The following NDRG4 variants were observed in gnomAD, a reference collection of about 807,000 sequenced individuals.
NDRG4 encodes the protein NDRG family member 4, also known as protein NDRG4.
In NDRG4, 38 loss-of-function variants were observed where a neutral mutation model predicts 55.8. The ratio of observed to expected loss-of-function variants is 0.68; its 90% CI spans 0.53 to 0.89. The LOEUF is 0.89. NDRG4 is among the 40% of genes least tolerant of loss of function. The pLI, the probability that NDRG4 is intolerant of heterozygous loss-of-function variation, is 0.00. For missense variants in NDRG4, 455 were observed against 468.6 expected, an observed-to-expected ratio of 0.97 and a Z score of 0.27; for synonymous variants, 190 against 182.7, an observed-to-expected ratio of 1.04 and a Z score of -0.32.
intron 1 of NDRG4, among the ~76,000 whole-genome samples, chr16:58,479,273 C>G (rs79280310): frequency 1.2e-4 from 19 of 152,248 alleles, no homozygotes; most frequent in African/African-American, 3.9e-4. Flanking sequence ...CTTTCCCACT[C>G]TGTTTGAGTG....
chr16:58,497,678 G>C (rs2036565530), upstream of NDRG4, among the ~76,000 whole-genome samples: 1 of 152,226 alleles, frequency 6.6e-6, no homozygotes, highest in Non-Finnish European at 1.5e-5. Flanking sequence ...AGAAGTGGCA[G>C]AGCTATGAGT....
In NDRG4 at chr16:58,507,799, G is replaced by A. The variant is rs368833106; in HGVS notation, c.621-9G>A. On this transcript the variant is annotated splice_polypyrimidine_tract_variant and intron_variant, in intron 8 of 14. Coordinates refer to ENST00000570248, the MANE Select transcript of NDRG4 (RefSeq NM_001242835.2). ...CACCTCTGCCTCTGCCCCTCCCCCT[G>A]CCCCACAGCCGCAGAGACCTGGACA... is the stretch of plus-strand genomic sequence containing the variant. The A allele has an allele frequency of 6.2e-6, 10 of 1,613,080 alleles. No individual in the cohort carries two copies. Among genetic ancestry groups the A allele is most frequent in the Admixed American group, 3.3e-5 (2 of 60,000 alleles).
chr16:58,480,392 A>G (rs2034248692), intron 1 of NDRG4, among the ~76,000 whole-genome samples: 1 of 152,188 alleles, frequency 6.6e-6, no homozygotes, highest in Non-Finnish European at 1.5e-5. Context: ...AAGTGCTGGG[A>G]TTACAGGCGT....
chr16:58,508,005 T>C lies in NDRG4; in HGVS notation c.729+6T>C. On this transcript the variant is annotated splice_donor_region_variant and intron_variant, in intron 10 of 14. Coordinates refer to ENST00000570248, the MANE Select transcript of NDRG4 (RefSeq NM_001242835.2). ...CACCCGCTGAGGACGGGGTGGTAAG[T>C]GAGGGGCTGTGGGCTCACTGGGGGT... The C allele has an allele frequency of 1.3e-6, 2 of 1,545,096 alleles. No homozygotes were observed. The highest frequency in any genetic ancestry group is 1.8e-6 in the Non-Finnish European group (2 of 1,140,258).
intron 1 of NDRG4, among the ~76,000 whole-genome samples, chr16:58,471,682 T>C (rs1316404628): frequency 2.6e-5 from 4 of 151,940 alleles, no homozygotes; most frequent in Non-Finnish European, 5.9e-5. Context: ...CCAGCCAGAG[T>C]GATCAGGTGT....
chr16:58,468,052 TG>T (rs1366839842), intron 1 of NDRG4, among the ~76,000 whole-genome samples: 5 of 152,220 alleles, frequency 3.3e-5, no homozygotes, highest in Admixed American at 1.3e-4. Context: ...GAGTCAGGCA[TG>T]GCCTCAGGGG....
At chr16:58,509,435 C>A in intron 13 of NDRG4, 83 bp downstream of exon 13, 2 of 1,457,148 alleles carry the variant, frequency 1.4e-6, no homozygotes, top group Non-Finnish European at 9.5e-7. Context: ...GTTTGCAGGG[C>A]TGGCACGTGG....
At chr16:58,505,209 C>T (rs955561843) in intron 5 of NDRG4, among the ~76,000 whole-genome samples, 4 of 151,892 alleles carry the variant, frequency 2.6e-5, no homozygotes, top group African/African-American at 7.2e-5. Context: ...ATTAGCCGGG[C>T]GTAGTGGCGG....
chr16:58,513,197 T>TGTGTGTGTAC lies in NDRG4; in HGVS notation c.*1621_*1622insGTGTGTGTAC, dbSNP rs199863068. 6.9e-6 allele frequency: 1 copy of TGTGTGTGTAC among 145,448 alleles called. No homozygotes were observed. The highest frequency in any genetic ancestry group is 7.1e-5 in the Admixed American group (1 of 14,066). 9.0% of individuals were successfully genotyped at this position (145,448 alleles called of 1,614,324 possible). A position where few individuals can be genotyped will look rare whatever the true frequency, so the allele number is the denominator to read the frequency against. ...GTGTGTGTGTGTGTGTGTGTGTGTG[T>TGTGTGTGTAC]ACATCGGGTCCTCCCATGTGTGGTG... On this transcript the variant is annotated 3_prime_UTR_variant, in exon 15 of 15. Coordinates refer to ENST00000570248, the MANE Select transcript of NDRG4 (RefSeq NM_001242835.2).
chr16:58,478,697 G>GGTT (rs371605306), intron 1 of NDRG4, among the ~76,000 whole-genome samples: 6 of 137,758 alleles, frequency 4.4e-5, no homozygotes, highest in East Asian at 2.1e-4. Flanking sequence ...TTTGTTTTTT[G>GGTT]TTTTTTTTTT....
rs1481868754 is a variant in NDRG4, at chr16:58,506,596, C to G, written c.498C>G (p.Leu166=). Residue 166 remains leucine, a synonymous_variant, in exon 7 of 15, where the codon CTC becomes CTG. Coordinates refer to ENST00000570248, the MANE Select transcript of NDRG4 (RefSeq NM_001242835.2). ...CTAGCACTTTACCCGACACGGTGCT[C>G]TCCCACCTCTTCAGCCAGGTAAGGG... ...GLTSTLPDTV[L]SHLFSQEELV... 3 of 1,566,478 alleles carry G rather than the reference C, an allele frequency of 1.9e-6. No homozygotes were observed. The highest frequency in any genetic ancestry group is 2.6e-6 in the Non-Finnish European group (3 of 1,158,658).
intron 8 of NDRG4, 167 bp downstream of exon 8, chr16:58,507,182 G>A (rs1024029472): frequency 1.6e-6 from 1 of 618,530 alleles, no homozygotes; most frequent in Non-Finnish European, 2.9e-6. Flanking sequence ...CACCCTGTGA[G>A]GGGCAGAGGG....
intron 1 of NDRG4, among the ~76,000 whole-genome samples, chr16:58,477,668 C>G (rs1015105267): frequency 6.8e-6 from 1 of 148,062 alleles, no homozygotes; most frequent in Non-Finnish European, 1.5e-5. Flanking sequence ...AAATTATCTT[C>G]TTTTCCTCAG....
chr16:58,506,795 C>T, intron 7 of NDRG4, 117 bp from the exon 8 acceptor site: 1 of 1,196,978 alleles, frequency 8.4e-7, no homozygotes, highest in Admixed American at 2.0e-5. Flanking sequence ...CACCCTGTCT[C>T]CCCTGCCTGC....
intron 5 of NDRG4, among the ~76,000 whole-genome samples, chr16:58,505,266 G>A (rs1013160861): frequency 4.6e-5 from 7 of 151,928 alleles, no homozygotes; most frequent in Admixed American, 3.9e-4. Context: ...GGAGAAAGGC[G>A]TGAACCCGGG....
chr16:58,509,933 C>CACACAG (rs1461322674), intron 13 of NDRG4, among the ~76,000 whole-genome samples: 3 of 147,592 alleles, frequency 2.0e-5, no homozygotes, highest in Non-Finnish European at 4.6e-5. Flanking sequence ...CAGGTACACA[C>CACACAG]ACACAGACAC....
chr16:58,477,150 T>C (rs2033775329), intron 1 of NDRG4, among the ~76,000 whole-genome samples: 3 of 151,192 alleles, frequency 2.0e-5, no homozygotes, highest in Admixed American at 1.3e-4. Flanking sequence ...ATGTGTGATA[T>C]ATATATATGT....
chr16:58,467,352 A>T (rs2031889876), intron 1 of NDRG4, among the ~76,000 whole-genome samples: 1 of 152,180 alleles, frequency 6.6e-6, no homozygotes, highest in Non-Finnish European at 1.5e-5. Context: ...TACTAAAAAT[A>T]CAAAATCAGC....
intron 14 of NDRG4, chr16:58,511,027 G>A (rs945006213): frequency 2.3e-5 from 11 of 476,194 alleles, no homozygotes; most frequent in African/African-American, 7.7e-5. Context: ...TTTGCTGCCC[G>A]CAAGTCTTGC....
Sources: gnomAD v4.1 joint callset for allele counts (sites outside exome capture counted in the v4.1 genomes callset) on GRCh38, gnomAD v4.1.1 for gene constraint, MANE v1.5 for transcripts, NCBI Gene and HGNC (gene_info 2026-07-23, HGNC 2026-07-21) for gene names.